The following FAM118B variants were observed in gnomAD, a reference collection of about 807,000 sequenced individuals.
The protein encoded by FAM118B is SIR2 antiphage like 1, also known as protein FAM118B.
A neutral mutation model predicts 38.5 loss-of-function variants in FAM118B; 24 were observed. That is an observed-to-expected ratio of 0.62 (90% confidence interval 0.45 to 0.88). FAM118B has a LOEUF of 0.88. FAM118B is among the 40% of genes least tolerant of loss of function. The probability of loss-of-function intolerance (pLI) is 0.00; values close to 1 mark genes in which losing one functional copy is unlikely to be tolerated. For synonymous variants in FAM118B, 138 were observed against 156.3 expected (o/e 0.88, Z 0.87); for missense variants, 334 against 420.0 (o/e 0.80, Z 1.79).
At chr11:126,232,712 TA>T (rs964997171) in intron 2 of FAM118B, among the ~76,000 whole-genome samples, 5 of 151,502 alleles carry the variant, frequency 3.3e-5, no homozygotes, top group Non-Finnish European at 7.4e-5. Context: ...ACTTAAAAAA[TA>T]TTTTTTTTTA....
chr11:126,246,197 C>T lies in FAM118B; in HGVS notation c.340-4309C>T, dbSNP rs372363648. Among the ~76,000 whole-genome samples, 65 of 151,926 alleles carry T rather than the reference C, an allele frequency of 4.3e-4. 1 individual carries two copies. In the South Asian group the frequency reaches 0.012, roughly 29 times the overall value. ...TTTTTTAGGTGAGATAGAAGTATTG[C>T]GATTATGTTTTTGTTTTGTATGTAC... On this transcript the variant is annotated intron_variant, in intron 4 of 8. Transcript: ENST00000533050.
intron 7 of FAM118B, chr11:126,260,676 A>G (rs1280963091): frequency 6.6e-6 from 1 of 152,224 alleles, no homozygotes; most frequent in Non-Finnish European, 1.5e-5. Context: ...TCAGTAATTT[A>G]TAAATACTGC....
intron 3 of FAM118B, among the ~76,000 whole-genome samples, chr11:126,235,973 T>C (rs1392691012): frequency 6.6e-6 from 1 of 152,264 alleles, no homozygotes; most frequent in Non-Finnish European, 1.5e-5. Flanking sequence ...TTGCTTTCAA[T>C]GTATTCTCAC....
intron 1 of FAM118B, among the ~76,000 whole-genome samples, chr11:126,226,810 G>A (rs1370273771): frequency 6.6e-6 from 1 of 151,776 alleles, no homozygotes; most frequent in East Asian, 1.9e-4. Flanking sequence ...GTGAAACCCC[G>A]TGTCTACAAA....
In FAM118B at chr11:126,255,935, G is replaced by A. The variant is rs1950572077; in HGVS notation, c.697-632G>A. 6.6e-6 allele frequency among the ~76,000 whole-genome samples: 1 copy of A among 151,988 alleles called. No individual in the cohort carries two copies. Among genetic ancestry groups the A allele is most frequent in the Admixed American group, 6.6e-5 (1 of 15,250 alleles). On this transcript the variant is annotated intron_variant, in intron 6 of 8. Coordinates refer to ENST00000533050, the MANE Select transcript of FAM118B (RefSeq NM_024556.4). The surrounding 1 kb of genome is among the most constrained non-coding windows in gnomAD (Gnocchi z 4.6). ...CATGCCACTGCACTCCAGCCTAGGT[G>A]GCAGAGCAAGACTCTGTCTCAAAAA...
At chr11:126,225,134 C>T (rs1950123757) in intron 1 of FAM118B, among the ~76,000 whole-genome samples, 2 of 152,298 alleles carry the variant, frequency 1.3e-5, no homozygotes, top group Non-Finnish European at 2.9e-5. Flanking sequence ...GCCAAGTGCA[C>T]TTGGCATCTT....
chr11:126,216,136 G>A (rs1315677585), intron 1 of FAM118B, among the ~76,000 whole-genome samples: 1 of 152,172 alleles, frequency 6.6e-6, no homozygotes, highest in African/African-American at 2.4e-5. Flanking sequence ...AGCACTTTGG[G>A]AGGCTGAGGC....
chr11:126,212,616 C>T (rs915894619), intron 1 of FAM118B, among the ~76,000 whole-genome samples: 1 of 152,168 alleles, frequency 6.6e-6, no homozygotes, highest in East Asian at 1.9e-4. Flanking sequence ...GAAAGAATGT[C>T]CTGAAAACTA....
rs1439614840 is a variant in FAM118B at position 126,253,524 on chromosome 11, T to A, written c.568-781T>A. Among the ~76,000 whole-genome samples the A allele has an allele frequency of 6.6e-6, 1 of 152,220 alleles. No homozygotes were observed. The highest frequency in any genetic ancestry group is 1.5e-5 in the Non-Finnish European group (1 of 68,030). The stretch of plus-strand genomic sequence containing the variant: ...TGACTGAAGTGATTTTTCTATCACT[T>A]ATCTATTGCTGTACAAGTAATGGCC... On this transcript the variant is annotated intron_variant, in intron 5 of 8. Transcript: ENST00000533050. This position sits in a 1 kb window ranked among gnomAD's most constrained non-coding sequence, Gnocchi z 5.1.
intron 4 of FAM118B, among the ~76,000 whole-genome samples, chr11:126,241,644 G>A (rs1186111122): frequency 6.6e-6 from 1 of 151,850 alleles, no homozygotes; most frequent in Non-Finnish European, 1.5e-5. Context: ...CCGCCTCCTG[G>A]GTTCAAGCGA....
chr11:126,248,902 A>G (rs1565337214), intron 4 of FAM118B, among the ~76,000 whole-genome samples: 1 of 152,200 alleles, frequency 6.6e-6, no homozygotes. Flanking sequence ...ATTACATCAC[A>G]TTACATAGTT....
intron 4 of FAM118B, among the ~76,000 whole-genome samples, chr11:126,245,702 G>GA (rs1240290197): frequency 8.0e-5 from 12 of 149,202 alleles, no homozygotes; most frequent in South Asian, 6.4e-4. Context: ...CTCTAAAAAA[G>GA]AAAAAAAAAT....
chr11:126,219,775 C>A lies in FAM118B; in HGVS notation c.-77+7945C>A, dbSNP rs561076171. On this transcript the variant is annotated intron_variant, in intron 1 of 8. Transcript: ENST00000533050. ...CCTGCTCTTCCCCAGCACCTCCCTA[C>A]CCCCAGCCACTAGAAATAGACTGCT... is the stretch of plus-strand genomic sequence containing the variant. 3.2e-4 allele frequency among the ~76,000 whole-genome samples: 49 copies of A among 152,040 alleles called. 1 individual carries two copies. Among genetic ancestry groups the A allele is most frequent in the Admixed American group, 2.7e-3 (41 of 15,282 alleles).
rs766459848 is a variant in FAM118B at position 126,240,878 on chromosome 11, A to G, written c.173A>G (p.Gln58Arg). ...GTGISAAVAP[Q>R]VPALKSWKGL... ...GGCATTAGTGCTGCAGTTGCGCCCC[A>G]AGTTCCAGCCCTCAAATCCTGGAAG... The change falls in exon 4 of 9, where the codon CAA becomes CGA. Residue 58 changes from glutamine to arginine, a missense_variant. Around this residue, in one of 3 missense-constraint regions of FAM118B, gnomAD observed 240 missense variants for 295.9 expected, o/e 0.81. Transcript: ENST00000533050. 2 of 1,614,072 alleles carry G rather than the reference A, an allele frequency of 1.2e-6. No homozygotes were observed. The highest frequency in any genetic ancestry group is 2.7e-5 in the African/African-American group (2 of 74,934).
chr11:126,247,958 GAC>G (rs1950440808), intron 4 of FAM118B, among the ~76,000 whole-genome samples: 1 of 142,738 alleles, frequency 7.0e-6, no homozygotes, highest in Admixed American at 7.2e-5. Flanking sequence ...CTGACTCACA[GAC>G]ACACACTATC....
intron 4 of FAM118B, among the ~76,000 whole-genome samples, chr11:126,242,842 A>G (rs1375329559): frequency 2.0e-5 from 3 of 152,236 alleles, no homozygotes; most frequent in Admixed American, 1.3e-4. Context: ...CAGTGATTCT[A>G]TGAACCAGCA....
At chr11:126,242,359 G>A in intron 4 of FAM118B, among the ~76,000 whole-genome samples, 1 of 152,136 alleles carries the variant, frequency 6.6e-6, no homozygotes, top group Admixed American at 6.5e-5. Context: ...GGAGGCCAAG[G>A]CAGGAGAACT....
chr11:126,229,533 C>T (rs981546463), intron 2 of FAM118B, among the ~76,000 whole-genome samples: 5 of 152,156 alleles, frequency 3.3e-5, no homozygotes, highest in African/African-American at 1.2e-4. Flanking sequence ...ACCTCTGCCT[C>T]CCAGGTTCAA....
intron 5 of FAM118B, 149 bp from the exon 6 acceptor site, chr11:126,254,156 C>A: frequency 1.1e-6 from 1 of 886,462 alleles, no homozygotes; most frequent in Non-Finnish European, 1.7e-6. Context: ...AAACTTAGAC[C>A]ACATCAGGTT....
Sources: allele counts gnomAD v4.1 joint callset (sites outside exome capture counted in the v4.1 genomes callset), GRCh38; gene constraint gnomAD v4.1.1; regional missense constraint gnomAD v4.1.1; non-coding constraint Gnocchi (gnomAD v3.1); transcripts MANE v1.5; gene names NCBI Gene and HGNC (gene_info 2026-07-23, HGNC 2026-07-21).